ADGRE1: variants seen among roughly 807,000 people sequenced by gnomAD.
ADGRE1 encodes the protein EGF-like module receptor 1.
A neutral mutation model predicts 102.7 loss-of-function variants in ADGRE1; 82 were observed. That is an observed-to-expected ratio of 0.80 (90% CI 0.67 to 0.96). The LOEUF (loss-of-function observed/expected upper bound fraction) is 0.96, where lower values mean the gene tolerates loss of function less well. ADGRE1 is among the 40% of genes least tolerant of loss of function. ADGRE1 has a pLI of 0.00. For missense variants in ADGRE1, 1,032 were observed against 1,085.3 expected, an observed-to-expected ratio of 0.95 and a Z score of 0.69; for synonymous variants, 398 against 399.6, an observed-to-expected ratio of 1.00 and a Z score of 0.05.
intron 20 of ADGRE1, among the ~76,000 whole-genome samples, chr19:6,939,635 G>A (rs922876415): frequency 2.0e-5 from 3 of 152,082 alleles, no homozygotes; most frequent in Admixed American, 6.6e-5. Flanking sequence ...AGAAGAAGAG[G>A]GATGGACAGG....
At chr19:6,916,031 A>G (rs1322012806) in intron 11 of ADGRE1, among the ~76,000 whole-genome samples, 1 of 150,972 alleles carries the variant, frequency 6.6e-6, no homozygotes, top group Non-Finnish European at 1.5e-5. Flanking sequence ...AGGAGATGAG[A>G]GTTCACTTCT....
chr19:6,894,533 C>T (rs533687607), intron 2 of ADGRE1, among the ~76,000 whole-genome samples: 41 of 152,246 alleles, frequency 2.7e-4, no homozygotes, highest in Middle Eastern at 3.4e-3. Flanking sequence ...TGTGCAAAGG[C>T]CCTGTGGTAG....
chr19:6,888,943 A>T (rs144404125), intron 1 of ADGRE1, among the ~76,000 whole-genome samples: 4 of 152,288 alleles, frequency 2.6e-5, no homozygotes, highest in African/African-American at 9.6e-5. Flanking sequence ...TGTGATAATG[A>T]TAGTGATGAT....
chr19:6,935,897 C>A (rs375298147), intron 18 of ADGRE1, among the ~76,000 whole-genome samples: 32 of 152,250 alleles, frequency 2.1e-4, no homozygotes, highest in African/African-American at 7.2e-4. Flanking sequence ...TGATTTAATG[C>A]GTGAAATATT....
At chr19:6,911,079 AC>A (rs1352322864) in intron 10 of ADGRE1, among the ~76,000 whole-genome samples, 1 of 152,132 alleles carries the variant, frequency 6.6e-6, no homozygotes, top group Non-Finnish European at 1.5e-5. Flanking sequence ...CGAACTGAGT[AC>A]TATGTTTCCT....
chr19:6,919,194 G>T (rs914396679), intron 12 of ADGRE1, among the ~76,000 whole-genome samples: 6 of 151,886 alleles, frequency 4.0e-5, no homozygotes, highest in Admixed American at 1.3e-4. Flanking sequence ...CACCACGCCC[G>T]GCTAATTTTT....
chr19:6,899,372 G>T (rs543987071), intron 5 of ADGRE1, among the ~76,000 whole-genome samples: 1 of 152,258 alleles, frequency 6.6e-6, no homozygotes, highest in African/African-American at 2.4e-5. Context: ...TGCCAATAGT[G>T]CTGAGGTGGA....
At chr19:6,909,986 G>T (rs1481476491) in intron 10 of ADGRE1, among the ~76,000 whole-genome samples, 2 of 148,122 alleles carry the variant, frequency 1.4e-5, no homozygotes, top group Non-Finnish European at 3.0e-5. Context: ...CACCTGCCTC[G>T]GCCTCCCAAA....
At chr19:6,914,532 C>A (rs1974309148) in intron 11 of ADGRE1, among the ~76,000 whole-genome samples, 1 of 152,128 alleles carries the variant, frequency 6.6e-6, no homozygotes, top group South Asian at 2.1e-4. Context: ...CACCCCACTC[C>A]TGGTAGTAGT....
At chr19:6,919,364 G>A (rs1237615237) in intron 12 of ADGRE1, among the ~76,000 whole-genome samples, 184 bp from the exon 13 acceptor site, 2 of 146,224 alleles carry the variant, frequency 1.4e-5, no homozygotes. Context: ...CTAGAAGCCC[G>A]CTGGTTATTT....
chr19:6,889,619 T>A (rs1973277663), intron 1 of ADGRE1, among the ~76,000 whole-genome samples: 1 of 145,932 alleles, frequency 6.9e-6, no homozygotes, highest in Non-Finnish European at 1.5e-5. Flanking sequence ...AACCAGGGAG[T>A]TGGTGGTTGC....
rs1273261310 is a variant in ADGRE1, at chr19:6,937,267, C to T, written c.2406C>T (p.Ala802=). ...GGTTACTGACCTTCAAGGCCTTTGC[C>T]CAGCTCTTCATCCTGGGCTGCTCCT... ...DTRLLTFKAF[A]QLFILGCSWV... The change falls in exon 19 of 21, where the codon GCC becomes GCT. Residue 802 remains alanine, a synonymous_variant. Coordinates refer to ENST00000312053, the MANE Select transcript of ADGRE1 (RefSeq NM_001974.5). 1 of 1,614,014 alleles carries T rather than the reference C, an allele frequency of 6.2e-7. No homozygotes were observed. The highest frequency in any genetic ancestry group is 2.2e-5 in the East Asian group (1 of 44,868).
In ADGRE1 at chr19:6,940,121, A is replaced by C; in HGVS notation, c.*92A>C. 6.9e-7 allele frequency: 1 copy of C among 1,455,518 alleles called. No homozygotes were observed. The highest frequency in any genetic ancestry group is 9.5e-7 in the Non-Finnish European group (1 of 1,048,104). The allele number at this position is 1,455,518 out of a possible 1,614,324, so 90.2% of individuals were successfully genotyped here. ...TACCCTGAAATCTCTTCTCAGCTTA[A>C]CATGGAAATGAGGATCCCACCAGCC... On this transcript the variant is annotated 3_prime_UTR_variant, in exon 21 of 21. Coordinates refer to ENST00000312053, the MANE Select transcript of ADGRE1 (RefSeq NM_001974.5).
Position 6,916,307 on chromosome 19 carries a change from G to A in ADGRE1, c.1359G>A (p.Leu453=), listed in dbSNP as rs1028959427. ...ECSEENVTLD[L]VAKGDKMKIG... ...GTGAAGAGAATGTGACGTTGGACTT[G>A]GTAGCCAAGGGGGATAAGATGAAGA... The change falls in exon 12 of 21, where the codon TTG becomes TTA. Residue 453 remains leucine, a synonymous_variant. Coordinates refer to ENST00000312053, the MANE Select transcript of ADGRE1 (RefSeq NM_001974.5). The A allele has an allele frequency of 6.2e-7, 1 of 1,613,436 alleles. No individual in the cohort carries two copies. The highest frequency in any genetic ancestry group is 8.5e-7 in the Non-Finnish European group (1 of 1,179,606).
chr19:6,890,880 G>A (rs1190734060), intron 2 of ADGRE1, among the ~76,000 whole-genome samples: 1 of 152,126 alleles, frequency 6.6e-6, no homozygotes, highest in Admixed American at 6.6e-5. Context: ...AAATGGTAGT[G>A]TAGTGAGAGT....
rs557624315 is a variant in ADGRE1 at position 6,899,244 on chromosome 19, C to T, written c.514+1697C>T. The stretch of plus-strand genomic sequence containing the variant: ...TGGAGATATTTTTGATTGTCTCAAC[C>T]GGTGATGGTGGGGAGAGGTGCTGTG... On this transcript the variant is annotated intron_variant, in intron 5 of 20. Transcript: ENST00000312053. Among the ~76,000 whole-genome samples the T allele has an allele frequency of 1.2e-4, 19 of 152,192 alleles. 1 individual carries two copies. The highest frequency in any genetic ancestry group is 1.2e-3 in the South Asian group (6 of 4,820).
At chr19:6,929,867 G>A (rs1975070848) in intron 17 of ADGRE1, among the ~76,000 whole-genome samples, 1 of 151,786 alleles carries the variant, frequency 6.6e-6, no homozygotes, top group Non-Finnish European at 1.5e-5. Flanking sequence ...CGTTGACCAG[G>A]CTCCTAACCT....
chr19:6,906,346 C>A lies in ADGRE1; in HGVS notation c.950-87C>A. On this transcript the variant is annotated intron_variant, in intron 8 of 20. Transcript: ENST00000312053. ...GGTAATAGATGGATTTTAAGTCGGG[C>A]ACGGGAGGACATGAAATCAGACTTG... 3.4e-6 allele frequency: 4 copies of A among 1,168,818 alleles called. No individual in the cohort carries two copies. The Admixed American group carries it at 7.5e-5, about 22-fold the overall frequency. 72.4% of individuals were successfully genotyped at this position (1,168,818 alleles called of 1,614,324 possible). A position where few individuals can be genotyped will look rare whatever the true frequency, so the allele number is the denominator to read the frequency against.
At chr19:6,938,009 T>C (rs1179325582) in intron 20 of ADGRE1, among the ~76,000 whole-genome samples, 1 of 151,288 alleles carries the variant, frequency 6.6e-6, no homozygotes, top group Non-Finnish European at 1.5e-5. Context: ...TAATGTATAA[T>C]ATTATATACA....
Sources: gnomAD v4.1 joint callset for allele counts (sites outside exome capture counted in the v4.1 genomes callset) on GRCh38, gnomAD v4.1.1 for gene constraint, MANE v1.5 for transcripts, NCBI Gene and HGNC (gene_info 2026-07-23, HGNC 2026-07-21) for gene names.